The following ELAVL1 variants were observed in gnomAD, a reference collection of about 807,000 sequenced individuals.
The protein encoded by ELAVL1 is ELAV like RNA binding protein 1, also known as ELAV-like protein 1.
A neutral mutation model predicts 28.4 loss-of-function variants in ELAVL1; 1 was observed. That is an observed-to-expected ratio of 0.04 (90% CI 0.01 to 0.17). The LOEUF is 0.17. ELAVL1 is among the 10% of genes least tolerant of loss of function. The pLI, the probability that ELAVL1 is intolerant of heterozygous loss-of-function variation, is 1.00. For missense variants in ELAVL1, 157 were observed against 447.2 expected (o/e 0.35, Z 5.85); for synonymous variants, 174 against 183.5 (o/e 0.95, Z 0.42).
At chr19:7,999,752 A>G (rs2081061250) in intron 1 of ELAVL1, among the ~76,000 whole-genome samples, 2 of 151,864 alleles carry the variant, frequency 1.3e-5, no homozygotes, top group African/African-American at 4.8e-5. Flanking sequence ...AGTCCTACTA[A>G]GTCCTCTATG....
chr19:8,001,804 C>T (rs2081068976), intron 1 of ELAVL1, among the ~76,000 whole-genome samples: 1 of 152,074 alleles, frequency 6.6e-6, no homozygotes, highest in African/African-American at 2.4e-5. Context: ...CCAGTCGCTT[C>T]TGAGTAGTCT....
intron 2 of ELAVL1, among the ~76,000 whole-genome samples, chr19:7,989,546 G>A (rs992267722): frequency 1.3e-5 from 2 of 152,236 alleles, no homozygotes; most frequent in Non-Finnish European, 2.9e-5. Flanking sequence ...TCAGGTTGCA[G>A]GAGAATAACT....
chr19:7,978,341 G>C (rs142212587), intron 3 of ELAVL1, among the ~76,000 whole-genome samples: 1 of 152,212 alleles, frequency 6.6e-6, no homozygotes, highest in African/African-American at 2.4e-5. Context: ...TAGACGGCTG[G>C]GGCTGTGAGC....
chr19:7,968,295 C>T (rs899117202), intron 4 of ELAVL1, among the ~76,000 whole-genome samples: 20 of 152,220 alleles, frequency 1.3e-4, no homozygotes, highest in African/African-American at 4.8e-4. Flanking sequence ...GTGGCCGAGC[C>T]TGCTGCAAAG....
At position 7,963,916 on chromosome 19, in the gene ELAVL1, C is replaced by T. The variant is rs1286334216; in HGVS notation, c.657-109G>A. On this transcript the variant is annotated intron_variant, in intron 5 of 5. Coordinates refer to ENST00000407627, the MANE Select transcript of ELAVL1 (RefSeq NM_001419.3). This position sits in a 1 kb window ranked among gnomAD's most constrained non-coding sequence, Gnocchi z 4.5. ...GGCCGCTGGGCCCCATCCCGCTCTG[C>T]GCAGCCACGAGGTGCTCACGGTTGA... 24 of 1,270,442 alleles carry T rather than the reference C, an allele frequency of 1.9e-5. No homozygotes were observed. Among genetic ancestry groups the T allele is most frequent in the African/African-American group, 9.0e-5 (6 of 66,598 alleles). The allele number at this position is 1,270,442 out of a possible 1,614,324, so 78.7% of individuals were successfully genotyped here.
rs773966006 is a variant in ELAVL1, at chr19:7,973,726, T to C, written c.429A>G (p.Thr143=). 2.5e-6 allele frequency: 4 copies of C among 1,613,894 alleles called. No individual in the cohort carries two copies. In the East Asian group the frequency reaches 8.9e-5, roughly 36 times the overall value. ...ACGCGTCTGGGGCCCCTCTGGTACC[T>C]GTAGTCTGATCCACGAGGACCCGCG... ...INSRVLVDQT[T]GLSRGVAFIR... Residue 143 remains threonine, a splice_region_variant and synonymous_variant, in exon 4 of 6, where the codon ACA becomes ACG. Coordinates refer to ENST00000407627, the MANE Select transcript of ELAVL1 (RefSeq NM_001419.3).
intron 1 of ELAVL1, among the ~76,000 whole-genome samples, chr19:7,995,011 T>G (rs1401353897): frequency 6.6e-6 from 1 of 152,116 alleles, no homozygotes; most frequent in Non-Finnish European, 1.5e-5. Flanking sequence ...CATAAGAGTA[T>G]AAAACTGGAT....
intron 2 of ELAVL1, among the ~76,000 whole-genome samples, chr19:7,984,927 G>C (rs375990053): frequency 2.6e-5 from 4 of 152,118 alleles, no homozygotes; most frequent in African/African-American, 7.2e-5. Flanking sequence ...AGGAGGAGGT[G>C]GGGGGGTTGC....
At chr19:7,986,347 A>C (rs962874213) in intron 2 of ELAVL1, among the ~76,000 whole-genome samples, 6 of 152,242 alleles carry the variant, frequency 3.9e-5, no homozygotes, top group Non-Finnish European at 7.3e-5. Context: ...GAAACAGCAA[A>C]GGTCTGCAAA....
intron 1 of ELAVL1, among the ~76,000 whole-genome samples, chr19:8,004,926 C>T (rs576906961): frequency 6.6e-6 from 1 of 152,280 alleles, no homozygotes; most frequent in African/African-American, 2.4e-5. Flanking sequence ...CGTCCCACGC[C>T]CCACAAACAG....
intron 1 of ELAVL1, chr19:8,002,045 G>A (rs1280632165): frequency 4.7e-6 from 6 of 1,289,132 alleles, no homozygotes; most frequent in African/African-American, 4.6e-5. Flanking sequence ...AGCCACCCCT[G>A]GCCTACCTGC....
intron 1 of ELAVL1, among the ~76,000 whole-genome samples, chr19:8,003,562 G>A (rs2081076472): frequency 6.6e-6 from 1 of 151,244 alleles, no homozygotes; most frequent in Non-Finnish European, 1.5e-5. Flanking sequence ...CGTGGTAGCC[G>A]GCGCCTGTAG....
chr19:7,976,936 C>A (rs1985314535), intron 3 of ELAVL1, among the ~76,000 whole-genome samples: 1 of 151,762 alleles, frequency 6.6e-6, no homozygotes, highest in Non-Finnish European at 1.5e-5. Context: ...GATCCTCCTG[C>A]CCCAGCCTCC....
intron 4 of ELAVL1, among the ~76,000 whole-genome samples, chr19:7,969,741 C>G (rs1004546755): frequency 2.0e-5 from 3 of 152,198 alleles, no homozygotes; most frequent in Admixed American, 1.3e-4. Flanking sequence ...TCTAAAGACC[C>G]TGCGGCCCAG....
chr19:7,972,650 A>C (rs553717977), intron 4 of ELAVL1, among the ~76,000 whole-genome samples: 1 of 151,822 alleles, frequency 6.6e-6, no homozygotes, highest in Admixed American at 6.6e-5. Flanking sequence ...TTTAAGAAAC[A>C]GGGTCTTGCT....
chr19:7,970,994 T>A (rs1033252221), intron 4 of ELAVL1, among the ~76,000 whole-genome samples: 1 of 152,124 alleles, frequency 6.6e-6, no homozygotes, highest in African/African-American at 2.4e-5. Flanking sequence ...TCCCACCAAT[T>A]CTGCATCCTG....
At chr19:7,969,956 T>TTCCCC in intron 4 of ELAVL1, among the ~76,000 whole-genome samples, 1 of 152,234 alleles carries the variant, frequency 6.6e-6, no homozygotes, top group East Asian at 1.9e-4. Context: ...TGTTTTTTTC[T>TTCCCC]TCCCCTAGTG....
chr19:7,975,529 G>A lies in ELAVL1; in HGVS notation c.277-1651C>T, dbSNP rs577626734. ...GGCGTGCACTGACCTGGGGCTCCCC[G>A]GCCCCTCGGCCAGAACCCTCTTTCC... On this transcript the variant is annotated intron_variant, in intron 3 of 5. Coordinates refer to ENST00000407627, the MANE Select transcript of ELAVL1 (RefSeq NM_001419.3). Among the ~76,000 whole-genome samples the A allele has an allele frequency of 2.6e-5, 4 of 152,344 alleles. No homozygotes were observed. The South Asian group carries it at 8.3e-4, about 32-fold the overall frequency.
At chr19:8,001,972 G>C in intron 1 of ELAVL1, 1 of 1,162,626 alleles carries the variant, frequency 8.6e-7, no homozygotes, top group Non-Finnish European at 1.1e-6. Context: ...GCCTGTGACT[G>C]GTTTCTCCTT....
Sources: gnomAD v4.1 joint callset for allele counts (sites outside exome capture counted in the v4.1 genomes callset) on GRCh38, gnomAD v4.1.1 for gene constraint, Gnocchi (gnomAD v3.1) non-coding constraint, MANE v1.5 for transcripts, NCBI Gene and HGNC (gene_info 2026-07-23, HGNC 2026-07-21) for gene names.